Variants in CFAP20DC observed in about 807,000 individuals in gnomAD.
CFAP20DC encodes the protein protein CFAP20DC.
Under a neutral mutation model 101.7 loss-of-function variants are expected in CFAP20DC, and 84 were observed. The ratio of observed to expected loss-of-function variants is 0.83; its 90% CI spans 0.69 to 0.99. CFAP20DC has a LOEUF of 0.99. Ranked by LOEUF, CFAP20DC falls within the 50% of genes least tolerant of loss-of-function variation. The pLI is 0.00. For missense variants in CFAP20DC, 1,007 were observed against 970.3 expected (o/e 1.04, Z -0.50); for synonymous variants, 359 against 351.2 (o/e 1.02, Z -0.25).
rs2084976262 is a variant in CFAP20DC at position 58,918,462 on chromosome 3, G to A, written c.394-4598C>T. Among the ~76,000 whole-genome samples the A allele has an allele frequency of 2.0e-5, 3 of 152,132 alleles. 1 individual carries two copies. The highest frequency in any genetic ancestry group is 6.6e-5 in the Admixed American group (1 of 15,264). On this transcript the variant is annotated intron_variant, in intron 5 of 16. Coordinates refer to ENST00000482387, the MANE Select transcript of CFAP20DC (RefSeq NM_001394063.1). Reference sequence around the variant, plus strand: ...GGTTCATCTCATCTTCTAACATCCTGTTCAACATGCTAATGGTCCTTTAAC... The same window carrying A: ...GGTTCATCTCATCTTCTAACATCCTATTCAACATGCTAATGGTCCTTTAAC...
intron 13 of CFAP20DC, among the ~76,000 whole-genome samples, chr3:58,836,314 C>T (rs953896462): frequency 1.1e-4 from 17 of 152,148 alleles, no homozygotes; most frequent in Admixed American, 8.5e-4. Flanking sequence ...AAACTGATAA[C>T]TCCAGCAAAA....
At chr3:58,837,962 T>C (rs1225529710) in intron 13 of CFAP20DC, among the ~76,000 whole-genome samples, 1 of 152,184 alleles carries the variant, frequency 6.6e-6, no homozygotes, top group Non-Finnish European at 1.5e-5. Context: ...AGGGCACCTC[T>C]TTACTAGCAT....
intron 15 of CFAP20DC, among the ~76,000 whole-genome samples, chr3:58,756,481 C>T (rs1481782002): frequency 3.9e-5 from 6 of 152,066 alleles, no homozygotes; most frequent in African/African-American, 7.2e-5. Context: ...CGAAATACAA[C>T]GAAAGTCATC....
intron 10 of CFAP20DC, among the ~76,000 whole-genome samples, chr3:58,867,103 G>C (rs940593644): frequency 6.6e-6 from 1 of 152,018 alleles, no homozygotes; most frequent in Non-Finnish European, 1.5e-5. Context: ...GGATCTTAAG[G>C]CATTATTGCA....
chr3:58,868,597 A>G lies in CFAP20DC; in HGVS notation c.1016-661T>C, dbSNP rs1488522329. Among the ~76,000 whole-genome samples, 1 of 152,148 alleles carries G rather than the reference A, an allele frequency of 6.6e-6. No individual in the cohort carries two copies. The highest frequency in any genetic ancestry group is 2.1e-4 in the South Asian group (1 of 4,824). ...AACTAAGGTTCACAGCGTTTAAGAA[A>G]CTTGATCAAGGCCTCACTGACAGGC... is the stretch of plus-strand genomic sequence containing the variant. On this transcript the variant is annotated intron_variant, in intron 9 of 16. Coordinates refer to ENST00000482387, the MANE Select transcript of CFAP20DC (RefSeq NM_001394063.1). The surrounding 1 kb of genome is among the most constrained non-coding windows in gnomAD (Gnocchi z 4.6).
chr3:58,970,818 G>A lies in CFAP20DC; in HGVS notation c.279-33056C>T, dbSNP rs79414946. 2.8e-3 allele frequency: 433 copies of A among 152,140 alleles called. 1 individual carries two copies. The highest frequency in any genetic ancestry group is 9.7e-3 in the African/African-American group (401 of 41,510). The allele number at this position is 152,140 out of a possible 1,614,324, so 9.4% of individuals were successfully genotyped here. On this transcript the variant is annotated intron_variant, in intron 4 of 16. Transcript: ENST00000482387. ...TATAAATGCAGGGTATTACTCTTTC[G>A]GATGTATGCTTCTAATTGCTTTGTC...
At position 58,915,251 on chromosome 3, in the gene CFAP20DC, T is replaced by G. The variant is rs141989484; in HGVS notation, c.394-1387A>C. Among the ~76,000 whole-genome samples the G allele has an allele frequency of 7.2e-3, 1,097 of 152,074 alleles. 13 individuals are homozygous for G. The highest frequency in any genetic ancestry group is 0.025 in the African/African-American group (1,037 of 41,474). On this transcript the variant is annotated intron_variant, in intron 5 of 16. Coordinates refer to ENST00000482387, the MANE Select transcript of CFAP20DC (RefSeq NM_001394063.1). ...TAAACACGAAGTGAGGAGGGCTGGC[T>G]AGGAAGCTTATGTAGGAAGTAGAGT... is the stretch of plus-strand genomic sequence containing the variant.
intron 15 of CFAP20DC, among the ~76,000 whole-genome samples, chr3:58,768,591 C>T (rs2070550167): frequency 6.6e-6 from 1 of 152,220 alleles, no homozygotes; most frequent in Admixed American, 6.5e-5. Context: ...CCATGCTCTT[C>T]CTCTAGCCAA....
chr3:59,038,876 G>C (rs1333464632), intron 4 of CFAP20DC, among the ~76,000 whole-genome samples: 3 of 151,952 alleles, frequency 2.0e-5, no homozygotes, highest in Non-Finnish European at 4.4e-5. Context: ...TCAGACCTTG[G>C]ACAGCTATTA....
At chr3:59,009,005 C>T (rs974494728) in intron 4 of CFAP20DC, among the ~76,000 whole-genome samples, 1 of 152,148 alleles carries the variant, frequency 6.6e-6, no homozygotes, top group African/African-American at 2.4e-5. Flanking sequence ...AATATAACTA[C>T]TACCACTCAC....
chr3:58,755,865 C>T (rs2068910633), intron 15 of CFAP20DC, among the ~76,000 whole-genome samples: 1 of 152,144 alleles, frequency 6.6e-6, no homozygotes, highest in South Asian at 2.1e-4. Context: ...GGCCCATGGG[C>T]CAAGTCTGGC....
chr3:58,735,826 C>G (rs2067740887), intron 3 of CFAP20DC, among the ~76,000 whole-genome samples: 1 of 152,130 alleles, frequency 6.6e-6, no homozygotes, highest in Non-Finnish European at 1.5e-5. Context: ...AGTGATGTCC[C>G]TTATAAATTA....
chr3:59,009,384 G>T (rs1428751070), intron 4 of CFAP20DC, among the ~76,000 whole-genome samples: 1 of 151,944 alleles, frequency 6.6e-6, no homozygotes, highest in East Asian at 1.9e-4. Context: ...TACTCAAGGA[G>T]ATACCAAAGA....
chr3:58,940,066 CA>C (rs1234976750), intron 4 of CFAP20DC, among the ~76,000 whole-genome samples: 3 of 152,196 alleles, frequency 2.0e-5, no homozygotes, highest in Non-Finnish European at 4.4e-5. Context: ...TGTGCCCAGC[CA>C]AACTACATAT....
intron 4 of CFAP20DC, among the ~76,000 whole-genome samples, chr3:59,023,974 G>A (rs1200433992): frequency 1.3e-5 from 2 of 152,068 alleles, no homozygotes; most frequent in Admixed American, 1.3e-4. Flanking sequence ...AAGGGAGGAT[G>A]AATTCTTTTG....
Position 59,024,300 on chromosome 3 carries a change from A to G in CFAP20DC, c.278+15257T>C, listed in dbSNP as rs78814004. On this transcript the variant is annotated intron_variant, in intron 4 of 16. Transcript: ENST00000482387. ...TATACTGTAACCAATCTAAAGTCCA[A>G]TGAAATCTACTGATGTCTATTGTAA... 4.7e-3 allele frequency among the ~76,000 whole-genome samples: 719 copies of G among 152,296 alleles called. 3 individuals carry two copies. Among genetic ancestry groups the G allele is most frequent in the African/African-American group, 0.017 (691 of 41,582 alleles).
Position 59,049,862 on chromosome 3 carries a change from G to C in CFAP20DC, c.-231C>G. 1.7e-6 allele frequency: 1 copy of C among 594,160 alleles called. No individual in the cohort carries two copies. The highest frequency in any genetic ancestry group is 3.0e-6 in the Non-Finnish European group (1 of 336,890). The allele number at this position is 594,160 out of a possible 1,614,324, so 36.8% of individuals were successfully genotyped here. On this transcript the variant is annotated 5_prime_UTR_variant, in exon 1 of 17. Coordinates refer to ENST00000482387, the MANE Select transcript of CFAP20DC (RefSeq NM_001394063.1). ...TGCGGCTCCAGCCTCCGCGGTGCCC[G>C]GGTCTGGGGAGGGCGCAGCTGCCTG...
chr3:58,906,455 G>C (rs1410262610), intron 6 of CFAP20DC, among the ~76,000 whole-genome samples: 1 of 152,020 alleles, frequency 6.6e-6, no homozygotes, highest in Non-Finnish European at 1.5e-5. Context: ...GCCTAGTGTG[G>C]CAATATTGTA....
In CFAP20DC at chr3:58,769,547, G is replaced by A. The variant is rs575774327; in HGVS notation, c.2238-15684C>T. The stretch of plus-strand genomic sequence containing the variant: ...ACATATAGATGAGAGCAAAAAGATG[G>A]GAAAATGGATGAGTTCTCTGAGGAA... On this transcript the variant is annotated intron_variant, in intron 15 of 16. Transcript: ENST00000482387. 5.9e-5 allele frequency among the ~76,000 whole-genome samples: 9 copies of A among 152,282 alleles called. No individual in the cohort carries two copies. In the South Asian group the frequency reaches 1.0e-3, roughly 18 times the overall value.
Sources: allele counts gnomAD v4.1 joint callset (sites outside exome capture counted in the v4.1 genomes callset), GRCh38; gene constraint gnomAD v4.1.1; non-coding constraint Gnocchi (gnomAD v3.1); transcripts MANE v1.5; gene names NCBI Gene and HGNC (gene_info 2026-07-23, HGNC 2026-07-21).